Variants in IGSF11 observed in about 807,000 individuals in gnomAD.
IGSF11 encodes the protein CXADR like 1.
In IGSF11, 22 loss-of-function variants were observed where a neutral mutation model predicts 41.0. The ratio of observed to expected loss-of-function variants is 0.54; its 90% CI spans 0.38 to 0.77. The LOEUF (loss-of-function observed/expected upper bound fraction) is 0.77, where lower values mean the gene tolerates loss of function less well. IGSF11 is among the 30% of genes least tolerant of loss of function. The probability of loss-of-function intolerance (pLI) is 0.00; values close to 1 mark genes in which losing one functional copy is unlikely to be tolerated. For synonymous variants in IGSF11, 219 were observed against 201.3 expected (o/e 1.09, Z -0.74); for missense variants, 444 against 530.8 (o/e 0.84, Z 1.61).
chr3:119,005,808 T>TTAC (rs1937442347), intron 1 of IGSF11, among the ~76,000 whole-genome samples: 1 of 111,952 alleles, frequency 8.9e-6, no homozygotes, highest in African/African-American at 5.3e-5. Flanking sequence ...CTCTTCTGGC[T>TTAC]TGTAGGGTTT....
chr3:118,956,572 C>G (rs1340102018), intron 1 of IGSF11, among the ~76,000 whole-genome samples: 1 of 152,136 alleles, frequency 6.6e-6, no homozygotes, highest in Non-Finnish European at 1.5e-5. Context: ...GACAGGCAAA[C>G]AGCTGATCAG....
chr3:119,010,885 G>A (rs1376748731), intron 1 of IGSF11, among the ~76,000 whole-genome samples: 1 of 152,108 alleles, frequency 6.6e-6, no homozygotes, highest in African/African-American at 2.4e-5. Flanking sequence ...AGCCAAAACA[G>A]GACATCTGGC....
chr3:118,905,447 C>T, intron 5 of IGSF11, 149 bp downstream of exon 5: 1 of 833,942 alleles, frequency 1.2e-6, no homozygotes. Context: ...CATTTATAAA[C>T]AATTTTCAAT....
chr3:119,081,808 A>G (rs567636350), intron 1 of IGSF11, among the ~76,000 whole-genome samples: 88 of 152,334 alleles, frequency 5.8e-4, no homozygotes, highest in Non-Finnish European at 9.7e-4. Context: ...TTGCTTGTCC[A>G]AATAAATCTA....
At chr3:119,028,584 A>G (rs768140568) in intron 1 of IGSF11, among the ~76,000 whole-genome samples, 1 of 151,870 alleles carries the variant, frequency 6.6e-6, no homozygotes, top group Non-Finnish European at 1.5e-5. Flanking sequence ...CAAAGGCTTC[A>G]GAATTCCTTA....
chr3:118,904,350 T>A (rs1440136047), intron 6 of IGSF11, among the ~76,000 whole-genome samples: 1 of 152,176 alleles, frequency 6.6e-6, no homozygotes, highest in Non-Finnish European at 1.5e-5. Context: ...AGACACTACC[T>A]TTCCCATTGT....
intron 1 of IGSF11, among the ~76,000 whole-genome samples, chr3:119,059,080 A>T (rs1050870362): frequency 4.6e-5 from 7 of 151,938 alleles, no homozygotes; most frequent in Non-Finnish European, 1.0e-4. Context: ...CATATGTAAC[A>T]AACCTGCACG....
chr3:119,085,308 C>T (rs920367729), intron 1 of IGSF11, among the ~76,000 whole-genome samples: 4 of 152,164 alleles, frequency 2.6e-5, no homozygotes, highest in Non-Finnish European at 5.9e-5. Context: ...CTCCCACCTG[C>T]GAAACTAAGA....
intron 1 of IGSF11, among the ~76,000 whole-genome samples, chr3:118,995,012 A>C (rs1017181767): frequency 6.6e-6 from 1 of 152,224 alleles, no homozygotes; most frequent in African/African-American, 2.4e-5. Context: ...TTTGGAAACA[A>C]AATTAAGCGT....
chr3:119,090,742 G>T (rs1020166831), intron 1 of IGSF11, among the ~76,000 whole-genome samples: 2 of 152,144 alleles, frequency 1.3e-5, no homozygotes, highest in African/African-American at 4.8e-5. Context: ...ATTCAAAATG[G>T]ATCAAAGATT....
In IGSF11 at chr3:119,031,332, T is replaced by C. The variant is rs894651369; in HGVS notation, c.52+3199A>G. Among the ~76,000 whole-genome samples, 4 of 152,220 alleles carry C rather than the reference T, an allele frequency of 2.6e-5. 1 individual carries two copies. The highest frequency in any genetic ancestry group is 1.3e-4 in the Admixed American group (2 of 15,282). On this transcript the variant is annotated intron_variant, in intron 1 of 6. Transcript: ENST00000393775. ...TTTTAGTGGGAAGGCCAGAATTTTC[T>C]GAACTTTCTCCCAACTCAGTAAGTA...
chr3:119,064,827 G>A (rs1942173122), intron 1 of IGSF11, among the ~76,000 whole-genome samples: 2 of 151,726 alleles, frequency 1.3e-5, no homozygotes, highest in African/African-American at 2.4e-5. Context: ...TTTGATTATT[G>A]CTGGCATACA....
At chr3:118,924,765 A>G (rs1942140879) in intron 4 of IGSF11, among the ~76,000 whole-genome samples, 1 of 152,114 alleles carries the variant, frequency 6.6e-6, no homozygotes, top group Non-Finnish European at 1.5e-5. Context: ...TCCAACCAAT[A>G]TTTCACAGAG....
chr3:119,049,530 T>A (rs1366227575), intron 1 of IGSF11, among the ~76,000 whole-genome samples: 1 of 152,020 alleles, frequency 6.6e-6, no homozygotes, highest in Non-Finnish European at 1.5e-5. Flanking sequence ...CATTCCATGC[T>A]CATGGGTAGG....
At chr3:119,058,584 C>G (rs377579879) in intron 1 of IGSF11, among the ~76,000 whole-genome samples, 3 of 152,040 alleles carry the variant, frequency 2.0e-5, no homozygotes, top group Non-Finnish European at 2.9e-5. Context: ...CAGGGATCTA[C>G]AACTGGAAAT....
intron 1 of IGSF11, among the ~76,000 whole-genome samples, chr3:119,053,651 A>C (rs1031922447): frequency 2.0e-4 from 30 of 152,190 alleles, no homozygotes; most frequent in Non-Finnish European, 3.7e-4. Flanking sequence ...TTCTTCACAG[A>C]GCTAGAAAAA....
chr3:119,088,378 G>A (rs1036981047), intron 1 of IGSF11, among the ~76,000 whole-genome samples: 5 of 152,070 alleles, frequency 3.3e-5, no homozygotes, highest in African/African-American at 1.2e-4. Context: ...TGAAATTAAT[G>A]ATAATAGACA....
chr3:119,104,621 T>C (rs2076990957), intron 1 of IGSF11, among the ~76,000 whole-genome samples: 1 of 152,202 alleles, frequency 6.6e-6, no homozygotes, highest in Non-Finnish European at 1.5e-5. Flanking sequence ...ATAAGAAAAT[T>C]GAACCTTTAA....
At chr3:118,922,358 G>A (rs1234774350) in intron 4 of IGSF11, among the ~76,000 whole-genome samples, 1 of 151,936 alleles carries the variant, frequency 6.6e-6, no homozygotes, top group Non-Finnish European at 1.5e-5. Flanking sequence ...ACTGTGAAAA[G>A]ATTACCACAA....
Sources: allele counts gnomAD v4.1 joint callset (sites outside exome capture counted in the v4.1 genomes callset), GRCh38; gene constraint gnomAD v4.1.1; transcripts MANE v1.5; gene names NCBI Gene and HGNC (gene_info 2026-07-23, HGNC 2026-07-21).